FAAH2: variants seen among roughly 807,000 people sequenced by gnomAD.
FAAH2 encodes fatty acid amide hydrolase 2.
In FAAH2, 60 loss-of-function variants were observed where a neutral mutation model predicts 36.9. That is an observed-to-expected ratio of 1.63 (90% CI 1.32 to 2.02). The LOEUF is 2.02. FAAH2 is among the 30% of genes most tolerant of loss of function. FAAH2 has a pLI of 0.00. For synonymous variants in FAAH2, 214 were observed against 143.8 expected, an observed-to-expected ratio of 1.49 and a Z score of -3.49; for missense variants, 689 against 397.5, an observed-to-expected ratio of 1.73 and a Z score of -6.23.
chrX:57,476,817 G>C (rs1602804753), intron 10 of FAAH2, among the ~76,000 whole-genome samples: 1 of 109,725 alleles, frequency 9.1e-6, no homozygotes, highest in East Asian at 2.9e-4. Context: ...GTCTGGTCCT[G>C]GGCTTTTTAA....
intron 10 of FAAH2, among the ~76,000 whole-genome samples, chrX:57,481,369 T>A (rs2057375617): frequency 8.9e-6 from 1 of 112,008 alleles, no homozygotes; most frequent in Admixed American, 9.5e-5. Context: ...TTTCCTCATC[T>A]TCATGTATTT....
At chrX:57,330,880 C>A (rs1183672832) in intron 3 of FAAH2, among the ~76,000 whole-genome samples, 2 of 110,648 alleles carry the variant, frequency 1.8e-5, no homozygotes. Flanking sequence ...AGGTCAGGTG[C>A]TATCCACCTG....
At chrX:57,354,583 C>G (rs1224542610) in intron 5 of FAAH2, among the ~76,000 whole-genome samples, 1 of 110,449 alleles carries the variant, frequency 9.1e-6, no homozygotes, top group Non-Finnish European at 1.9e-5. Context: ...TTGTACAAAA[C>G]TAAAACCCAC....
At chrX:57,281,472 C>T in the FAAH2 span, among the ~76,000 whole-genome samples, 7,903 of 111,452 alleles carry the variant, frequency 0.071, 695 homozygotes, top group African/African-American at 0.25. Flanking sequence ...GAATGGGTAA[C>T]AAGAAATTTG....
At chrX:57,185,540 A>T in the FAAH2 span, among the ~76,000 whole-genome samples, 1 of 83,506 alleles carries the variant, frequency 1.2e-5, no homozygotes. Flanking sequence ...GTGTGCGTGT[A>T]TGTGTGTGTG....
chrX:57,488,097 G>A lies in FAAH2; in HGVS notation c.1424-660G>A, dbSNP rs915879955. ...CTATATGGATAAAAATTTAATTACT[G>A]GATACTGGGGATTGGGGGAATAGAG... On this transcript the variant is annotated intron_variant, in intron 10 of 10. Transcript: ENST00000374900. Among the ~76,000 whole-genome samples the A allele has an allele frequency of 5.4e-5, 6 of 111,661 alleles. 1 individual carries two copies. The Admixed American group carries it at 5.7e-4, about 11-fold the overall frequency.
At chrX:57,455,503 C>A (rs1341457887) in intron 10 of FAAH2, among the ~76,000 whole-genome samples, 2 of 110,885 alleles carry the variant, frequency 1.8e-5, no homozygotes, top group Admixed American at 9.6e-5. Flanking sequence ...CATAGAGTGG[C>A]AAGCTAGATA....
intron 7 of FAAH2, among the ~76,000 whole-genome samples, chrX:57,391,465 T>C (rs944873085): frequency 8.1e-5 from 9 of 111,240 alleles, no homozygotes; most frequent in Non-Finnish European, 1.7e-4. Context: ...AAGTCATAAA[T>C]GAAACTTGAG....
intron 7 of FAAH2, among the ~76,000 whole-genome samples, chrX:57,426,853 A>G (rs1168549432): frequency 9.0e-6 from 1 of 111,559 alleles, no homozygotes; most frequent in Non-Finnish European, 1.9e-5. Context: ...AGAAAATATG[A>G]ACAAACCAAA....
chrX:57,123,649 T>A, the FAAH2 span, among the ~76,000 whole-genome samples: 1 of 112,196 alleles, frequency 8.9e-6, no homozygotes, highest in Admixed American at 9.4e-5. Flanking sequence ...TTTCTCTACA[T>A]CCTCTCCAGC....
At chrX:57,376,227 G>A (rs902263033) in intron 5 of FAAH2, among the ~76,000 whole-genome samples, 1 of 109,975 alleles carries the variant, frequency 9.1e-6, no homozygotes, top group East Asian at 2.8e-4. Flanking sequence ...GTCTTGTTAC[G>A]TGTTCATCGA....
At chrX:57,315,794 G>A (rs755094691) in intron 3 of FAAH2, among the ~76,000 whole-genome samples, 3 of 111,193 alleles carry the variant, frequency 2.7e-5, no homozygotes, top group Non-Finnish European at 3.8e-5. Flanking sequence ...CAAACACACA[G>A]GCAATGTCAC....
At chrX:57,293,227 T>G (rs2052037032) in intron 2 of FAAH2, among the ~76,000 whole-genome samples, 1 of 111,732 alleles carries the variant, frequency 8.9e-6, no homozygotes, top group Non-Finnish European at 1.9e-5. Flanking sequence ...ATATACTTAT[T>G]AAAATTGAGT....
At chrX:57,187,660 G>A in the FAAH2 span, among the ~76,000 whole-genome samples, 1 of 111,360 alleles carries the variant, frequency 9.0e-6, no homozygotes, top group Non-Finnish European at 1.9e-5. Flanking sequence ...CAAAGGTAAA[G>A]CTTTCAGGTT....
the FAAH2 span, among the ~76,000 whole-genome samples, chrX:57,190,009 C>T: frequency 8.9e-6 from 1 of 111,978 alleles, no homozygotes; most frequent in Non-Finnish European, 1.9e-5. Context: ...CCACAGCTGC[C>T]CCTTTCCCCA....
intron 8 of FAAH2, among the ~76,000 whole-genome samples, chrX:57,444,937 C>G (rs1264113890): frequency 1.8e-5 from 2 of 111,840 alleles, no homozygotes; most frequent in Non-Finnish European, 3.8e-5. Context: ...ATTTTCAATT[C>G]TCTGCCTGAC....
chrX:57,126,180 GACA>G, the FAAH2 span, among the ~76,000 whole-genome samples: 1 of 112,553 alleles, frequency 8.9e-6, no homozygotes, highest in Non-Finnish European at 1.9e-5. Context: ...TTTCCAAATA[GACA>G]ACAATTCATA....
chrX:57,224,619 G>A, the FAAH2 span, among the ~76,000 whole-genome samples: 1 of 112,169 alleles, frequency 8.9e-6, no homozygotes, highest in Non-Finnish European at 1.9e-5. Context: ...CTGGCTGGAA[G>A]ACACGTACCC....
chrX:57,429,484 G>A (rs937216133), intron 7 of FAAH2, among the ~76,000 whole-genome samples: 2 of 111,760 alleles, frequency 1.8e-5, no homozygotes, highest in Non-Finnish European at 3.8e-5. Context: ...ATTTCGATTA[G>A]CTATTGTATT....
Sources: gnomAD v4.1 joint callset for allele counts (sites outside exome capture counted in the v4.1 genomes callset) on GRCh38, gnomAD v4.1.1 for gene constraint, MANE v1.5 for transcripts, NCBI Gene and HGNC (gene_info 2026-07-23, HGNC 2026-07-21) for gene names.